Variants in CMIP observed in about 807,000 individuals in gnomAD.
CMIP encodes C-Maf-inducing protein.
A neutral mutation model predicts 97.3 loss-of-function variants in CMIP; 13 were observed. The observed-to-expected ratio is 0.13, with a 90% confidence interval of 0.09 to 0.21. The LOEUF (loss-of-function observed/expected upper bound fraction) is 0.21. CMIP is among the 10% of genes least tolerant of loss of function. The pLI, the probability that CMIP is intolerant of heterozygous loss-of-function variation, is 1.00. For missense variants in CMIP, 847 were observed against 1,024.9 expected (o/e 0.83, Z 2.37); for synonymous variants, 538 against 436.3 (o/e 1.23, Z -2.91).
In CMIP at chr16:81,551,718, T is replaced by G. The variant is rs79417281; in HGVS notation, c.301-55849T>G. Among the ~76,000 whole-genome samples the G allele has an allele frequency of 8.5e-3, 1,289 of 152,326 alleles. 9 individuals carry two copies. Among genetic ancestry groups the G allele is most frequent in the Non-Finnish European group, 0.012 (846 of 68,020 alleles). The stretch of plus-strand genomic sequence containing the variant: ...CTTCCCCCATCCAAGGTGGAAATTG[T>G]CACAGGGCCCTGGGGACATCATAGG... On this transcript the variant is annotated intron_variant, in intron 1 of 20. Coordinates refer to ENST00000537098, the MANE Select transcript of CMIP (RefSeq NM_198390.3).
At chr16:81,455,162 C>T (rs754604187) in intron 1 of CMIP, among the ~76,000 whole-genome samples, 7 of 152,126 alleles carry the variant, frequency 4.6e-5, no homozygotes, top group African/African-American at 7.2e-5. Context: ...GCCGGGAGCC[C>T]GGGATGTCAC....
intron 3 of CMIP, among the ~76,000 whole-genome samples, chr16:81,624,396 C>T (rs1419408416): frequency 1.3e-5 from 2 of 152,072 alleles, no homozygotes; most frequent in African/African-American, 2.4e-5. Flanking sequence ...ACATTTGTCT[C>T]CTGTGGCTGC....
chr16:81,688,683 A>G (rs1255924571), intron 10 of CMIP, among the ~76,000 whole-genome samples: 1 of 152,040 alleles, frequency 6.6e-6, no homozygotes, highest in Non-Finnish European at 1.5e-5. Context: ...ATATACTTTA[A>G]GTTCTAGGGT....
chr16:81,459,919 G>A (rs1389497636), intron 1 of CMIP, among the ~76,000 whole-genome samples: 1 of 152,192 alleles, frequency 6.6e-6, no homozygotes, highest in Non-Finnish European at 1.5e-5. Context: ...TCCGAGCCCT[G>A]CTGGGCTCAC....
intron 1 of CMIP, among the ~76,000 whole-genome samples, chr16:81,600,095 A>C (rs1030431722): frequency 6.6e-6 from 1 of 152,058 alleles, no homozygotes. Context: ...CCTGACCAAC[A>C]TGGTGAAACC....
Position 81,657,807 on chromosome 16 carries a change from C to G in CMIP, c.672C>G (p.Asn224Lys). ...NTNLTTQEHE[N>K]IIVAIAPLLE... ...ACTTGACCACCCAGGAGCATGAAAACATCATTGTGGTAAGTTCCTCTCGAA... is the reference window on the plus strand; with the variant it reads ...ACTTGACCACCCAGGAGCATGAAAAGATCATTGTGGTAAGTTCCTCTCGAA... Residue 224 changes from asparagine (N) to lysine (K), a missense_variant, in exon 5 of 21, where the codon AAC (asparagine) becomes AAG (lysine). Asn to Lys is a moderately conservative substitution (Grantham distance 94). This residue lies in a region of CMIP where 285 missense variants were observed against 392.2 expected (regional missense o/e 0.73). Transcript: ENST00000537098. The G allele has an allele frequency of 6.2e-7, 1 of 1,607,738 alleles. No individual in the cohort carries two copies. Among genetic ancestry groups the G allele is most frequent in the South Asian group, 1.1e-5 (1 of 89,604 alleles).
At chr16:81,615,407 TGTG>T (rs1229606855) in intron 2 of CMIP, among the ~76,000 whole-genome samples, 3 of 141,906 alleles carry the variant, frequency 2.1e-5, no homozygotes, top group Non-Finnish European at 4.6e-5. Context: ...TGGTGTATGG[TGTG>T]TGTGTGTGTG....
chr16:81,580,013 A>G (rs1421122478), intron 1 of CMIP, among the ~76,000 whole-genome samples: 6 of 152,266 alleles, frequency 3.9e-5, no homozygotes, highest in Admixed American at 6.5e-5. Context: ...GTTTGAAGCT[A>G]GGATAACTGT....
intron 1 of CMIP, among the ~76,000 whole-genome samples, chr16:81,552,529 C>T (rs2090679224): frequency 6.6e-6 from 1 of 152,190 alleles, no homozygotes; most frequent in Non-Finnish European, 1.5e-5. Flanking sequence ...CATTCCTTGG[C>T]TTCTTGGCCC....
At chr16:81,562,764 C>T (rs1004519718) in intron 1 of CMIP, among the ~76,000 whole-genome samples, 3 of 152,228 alleles carry the variant, frequency 2.0e-5, no homozygotes, top group African/African-American at 4.8e-5. Flanking sequence ...CATACCCATC[C>T]AGTGAGGGAC....
At chr16:81,496,725 A>T (rs1250500260) in intron 1 of CMIP, among the ~76,000 whole-genome samples, 2 of 152,240 alleles carry the variant, frequency 1.3e-5, no homozygotes, top group Non-Finnish European at 2.9e-5. Context: ...GGCGGGGGTC[A>T]GCCCCCTGCG....
chr16:81,664,494 A>C lies in CMIP; in HGVS notation c.825+145A>C, dbSNP rs979084131. The C allele has an allele frequency of 4.2e-6, 3 of 705,988 alleles. No homozygotes were observed. In the African/African-American group the frequency reaches 5.4e-5, roughly 13 times the overall value. The allele number at this position is 705,988 out of a possible 1,614,324, so 43.7% of individuals were successfully genotyped here. ...AGGAACTGGGGTTGAGATTCTGGTTAAGGACTTTTGGGGGTTTTGTACAGC... is the reference window on the plus strand; with the variant it reads ...AGGAACTGGGGTTGAGATTCTGGTTCAGGACTTTTGGGGGTTTTGTACAGC... On this transcript the variant is annotated intron_variant, in intron 7 of 20. Transcript: ENST00000537098.
At chr16:81,661,821 A>T (rs1460438211) in intron 6 of CMIP, among the ~76,000 whole-genome samples, 1 of 152,044 alleles carries the variant, frequency 6.6e-6, no homozygotes, top group Non-Finnish European at 1.5e-5. Context: ...GGGAGACAAG[A>T]TTCAGTTGTC....
chr16:81,637,545 G>A (rs2092252092), intron 3 of CMIP, among the ~76,000 whole-genome samples: 1 of 152,204 alleles, frequency 6.6e-6, no homozygotes, highest in African/African-American at 2.4e-5. Context: ...GTTCAGAGAG[G>A]TGATGTAGTT....
At position 81,479,411 on chromosome 16, in the gene CMIP, G is replaced by T. The variant is rs142161585; in HGVS notation, c.300+33870G>T. On this transcript the variant is annotated intron_variant, in intron 1 of 20. Coordinates refer to ENST00000537098, the MANE Select transcript of CMIP (RefSeq NM_198390.3). ...TTTAAGTGTGCAGTTCATTGAGTAC[G>T]TTCACATTGTTGCACAACCATCACC... 4.6e-5 allele frequency among the ~76,000 whole-genome samples: 7 copies of T among 152,146 alleles called. No individual in the cohort carries two copies. The East Asian group carries it at 1.4e-3, about 29-fold the overall frequency.
chr16:81,603,410 T>A (rs2091690423), intron 1 of CMIP: 1 of 454,312 alleles, frequency 2.2e-6, no homozygotes, highest in African/African-American at 2.0e-5. Flanking sequence ...AAACATTTTC[T>A]TTTAGGACAG....
chr16:81,678,681 C>T (rs1404674044), intron 10 of CMIP, 53 bp downstream of exon 10: 2 of 832,984 alleles, frequency 2.4e-6, no homozygotes, highest in Non-Finnish European at 3.9e-6. Flanking sequence ...GGAGACTGGG[C>T]TTTGCTGCTG....
chr16:81,662,576 C>T (rs1036260583), intron 6 of CMIP, among the ~76,000 whole-genome samples: 8 of 152,158 alleles, frequency 5.3e-5, no homozygotes, highest in Non-Finnish European at 1.0e-4. Flanking sequence ...AAGCCTCCCG[C>T]GCTGCGTCCG....
At chr16:81,531,033 G>T (rs756251124) in intron 1 of CMIP, among the ~76,000 whole-genome samples, 1 of 152,168 alleles carries the variant, frequency 6.6e-6, no homozygotes, top group African/African-American at 2.4e-5. Flanking sequence ...CAAAAGGCAC[G>T]TTTACGCTGT....
Sources: allele counts gnomAD v4.1 joint callset (sites outside exome capture counted in the v4.1 genomes callset), GRCh38; gene constraint gnomAD v4.1.1; regional missense constraint gnomAD v4.1.1; transcripts MANE v1.5; gene names NCBI Gene and HGNC (gene_info 2026-07-23, HGNC 2026-07-21).